Variants in ANO5 observed in about 807,000 individuals in gnomAD.
ANO5 encodes anoctamin-5.
A neutral mutation model predicts 121.0 loss-of-function variants in ANO5; 109 were observed. The observed-to-expected ratio is 0.90, with a 90% CI of 0.77 to 1.06. ANO5 has a LOEUF of 1.06. Ranked by LOEUF, ANO5 falls within the 50% of genes least tolerant of loss-of-function variation. The pLI is 0.00. For synonymous variants in ANO5, 406 were observed against 359.9 expected, an observed-to-expected ratio of 1.13 and a Z score of -1.45; for missense variants, 1,064 against 1,078.5, an observed-to-expected ratio of 0.99 and a Z score of 0.19.
intron 12 of ANO5, among the ~76,000 whole-genome samples, chr11:22,252,028 T>C (rs1324906967): frequency 2.4e-4 from 8 of 33,680 alleles, no homozygotes; most frequent in African/African-American, 1.5e-3. Context: ...AGACGCCGTC[T>C]CAAAAAAAAA....
chr11:22,193,424 C>T lies in ANO5; in HGVS notation c.-69C>T. ...CAGATTCAGCACCTGCCTCAGATCT[C>T]CACGTCTGTCTCAGCTGCCCCTCTC... On this transcript the variant is annotated 5_prime_UTR_variant, in exon 1 of 22. Transcript: ENST00000324559. The T allele has an allele frequency of 6.4e-7, 1 of 1,568,110 alleles. No individual in the cohort carries two copies. Among genetic ancestry groups the T allele is most frequent in the Non-Finnish European group, 8.6e-7 (1 of 1,157,510 alleles).
chr11:22,215,744 A>C (rs757448069), intron 3 of ANO5, among the ~76,000 whole-genome samples: 18 of 151,930 alleles, frequency 1.2e-4, no homozygotes, highest in Admixed American at 3.3e-4. Context: ...TTAAGTGTGT[A>C]GTTTGATGAG....
At chr11:22,253,063 A>G (rs1031927923) in intron 12 of ANO5, among the ~76,000 whole-genome samples, 19 of 152,132 alleles carry the variant, frequency 1.2e-4, no homozygotes, top group African/African-American at 4.3e-4. Context: ...GTATTCAAAT[A>G]TATGTTGAAT....
chr11:22,197,482 G>A (rs1231199480), intron 1 of ANO5, among the ~76,000 whole-genome samples: 1 of 152,092 alleles, frequency 6.6e-6, no homozygotes, highest in Non-Finnish European at 1.5e-5. Context: ...GGAAAAGACA[G>A]TTTGAGACTT....
chr11:22,267,218 A>C (rs1300282594), intron 17 of ANO5, among the ~76,000 whole-genome samples: 1 of 152,024 alleles, frequency 6.6e-6, no homozygotes, highest in Non-Finnish European at 1.5e-5. Flanking sequence ...TCATATACTT[A>C]CTTCTAAATT....
At chr11:22,236,335 C>A (rs1853219808) in intron 8 of ANO5, 59 bp downstream of exon 8, 4 of 1,341,800 alleles carry the variant, frequency 3.0e-6, no homozygotes, top group Non-Finnish European at 4.3e-6. Flanking sequence ...ATGTTCATTA[C>A]TGGGAGAGAG....
At chr11:22,216,363 A>G (rs1454487491) in intron 3 of ANO5, among the ~76,000 whole-genome samples, 2 of 151,848 alleles carry the variant, frequency 1.3e-5, no homozygotes, top group Non-Finnish European at 2.9e-5. Context: ...ATTGATATTG[A>G]TATTGATAGC....
chr11:22,273,065 T>C (rs1241786871), intron 19 of ANO5, 76 bp downstream of exon 19: 9 of 1,364,418 alleles, frequency 6.6e-6, no homozygotes, highest in Admixed American at 1.7e-5. Context: ...TGATGCTTAA[T>C]CTTTACATGA....
At chr11:22,195,089 C>A (rs746475786) in intron 1 of ANO5, among the ~76,000 whole-genome samples, 2 of 152,192 alleles carry the variant, frequency 1.3e-5, no homozygotes, top group African/African-American at 2.4e-5. Context: ...TACTCACTAA[C>A]ACTTGTTATT....
At chr11:22,279,497 T>C in intron 21 of ANO5, 47 bp from the exon 22 acceptor site, 1 of 1,488,386 alleles carries the variant, frequency 6.7e-7, no homozygotes, top group South Asian at 1.1e-5. Flanking sequence ...CTGCTGAGCA[T>C]GTGACACCTC....
chr11:22,210,882 G>C (rs1325955586), intron 2 of ANO5, among the ~76,000 whole-genome samples: 1 of 151,892 alleles, frequency 6.6e-6, no homozygotes, highest in African/African-American at 2.4e-5. Context: ...TCTTCAGGAT[G>C]CAGCATCATA....
chr11:22,279,123 TCCTTATTG>T (rs1854979441), intron 21 of ANO5, among the ~76,000 whole-genome samples: 1 of 151,824 alleles, frequency 6.6e-6, no homozygotes, highest in Admixed American at 6.6e-5. Context: ...CCTTCAAAAG[TCCTTATTG>T]CCTTCTTTCC....
chr11:22,197,835 C>T (rs61880868), intron 1 of ANO5, among the ~76,000 whole-genome samples: 1,661 of 152,192 alleles, frequency 0.011, 13 homozygotes, highest in Non-Finnish European at 0.018. Context: ...GAATCTAGCC[C>T]GCAGGGAGAG....
At position 22,276,224 on chromosome 11, in the gene ANO5, G is replaced by C. The variant is rs11026488; in HGVS notation, c.2520+25G>C. ...AGTAAGCTGTTCTTAACTTTCATTCGAGTTACTCTCTTCTCTCTTTAGGCA... is the reference window on the plus strand; with the variant it reads ...AGTAAGCTGTTCTTAACTTTCATTCCAGTTACTCTCTTCTCTCTTTAGGCA... On this transcript the variant is annotated intron_variant, in intron 21 of 21. Coordinates refer to ENST00000324559, the MANE Select transcript of ANO5 (RefSeq NM_213599.3). 309,607 of 1,539,740 alleles carry C rather than the reference G, an allele frequency of 0.2. 35,023 individuals carry two copies. The highest frequency in any genetic ancestry group is 0.47 in the East Asian group (20,954 of 44,340).
At chr11:22,218,223 A>G in intron 3 of ANO5, 23 bp from the exon 4 acceptor site, 1 of 1,612,870 alleles carries the variant, frequency 6.2e-7, no homozygotes, top group Non-Finnish European at 8.5e-7. Flanking sequence ...GGAAGTGCTA[A>G]TTCTTTATTG....
chr11:22,226,659 A>G lies in ANO5; in HGVS notation c.363+607A>G, dbSNP rs1482453410. 3.9e-5 allele frequency among the ~76,000 whole-genome samples: 6 copies of G among 152,204 alleles called. No individual in the cohort carries two copies. The East Asian group carries it at 1.2e-3, about 29-fold the overall frequency. On this transcript the variant is annotated intron_variant, in intron 6 of 21. Coordinates refer to ENST00000324559, the MANE Select transcript of ANO5 (RefSeq NM_213599.3). ...AGGATTGCTGGAGCCCAGGAGTTTC[A>G]TGGTTGTGCTGCTGCACTCCAGCCT...
chr11:22,272,954 C>G lies in ANO5; in HGVS notation c.2200C>G (p.Leu734Val). ...AHSIGVWQDI[L>V]YGMAVLSVAT... ...TAGCATAGGTGTTTGGCAAGACATT[C>G]TTTATGGAATGGCTGTCCTTTCTGT... Residue 734 changes from leucine to valine, a missense_variant, in exon 19 of 22, where the codon CTT becomes GTT. Transcript: ENST00000324559. 1 of 1,613,920 alleles carries G rather than the reference C, an allele frequency of 6.2e-7. No individual in the cohort carries two copies. The highest frequency in any genetic ancestry group is 1.1e-5 in the South Asian group (1 of 91,038).
At chr11:22,242,089 T>C (rs1853451685) in intron 9 of ANO5, among the ~76,000 whole-genome samples, 3 of 152,142 alleles carry the variant, frequency 2.0e-5, no homozygotes. Context: ...GGGTCCAAGT[T>C]TTATTCTTCT....
chr11:22,266,855 C>T (rs998093348), intron 17 of ANO5, among the ~76,000 whole-genome samples: 1 of 152,084 alleles, frequency 6.6e-6, no homozygotes, highest in Non-Finnish European at 1.5e-5. Flanking sequence ...GGACTCTATC[C>T]ACTAGATGCC....
Sources: allele counts gnomAD v4.1 joint callset (sites outside exome capture counted in the v4.1 genomes callset), GRCh38; gene constraint gnomAD v4.1.1; transcripts MANE v1.5; gene names NCBI Gene and HGNC (gene_info 2026-07-23, HGNC 2026-07-21).